The following SFMBT2 variants were observed in gnomAD, a reference collection of about 807,000 sequenced individuals.
SFMBT2 encodes the protein scm-like with four MBT domains protein 2.
A neutral mutation model predicts 110.1 loss-of-function variants in SFMBT2; 38 were observed. That is an observed-to-expected ratio of 0.35 (90% CI 0.27 to 0.45). The LOEUF is 0.45. Among genes scored for constraint, SFMBT2 ranks in the 20% least tolerant of loss-of-function variants. The pLI, the probability that SFMBT2 is intolerant of heterozygous loss-of-function variation, is 1.00. For missense variants in SFMBT2, 1,011 were observed against 1,094.9 expected, an observed-to-expected ratio of 0.92 and a Z score of 1.08; for synonymous variants, 425 against 425.4, an observed-to-expected ratio of 1.00 and a Z score of 0.01.
chr10:7,200,345 C>T (rs1838912687), intron 14 of SFMBT2, 69 bp downstream of exon 14: 7 of 1,241,770 alleles, frequency 5.6e-6, no homozygotes, highest in Non-Finnish European at 7.6e-6. Flanking sequence ...GACCTAGAAA[C>T]CTATACATGT....
chr10:7,162,004 T>C lies in SFMBT2; in HGVS notation c.*1766A>G, dbSNP rs917678229. 2 of 152,194 alleles carry C rather than the reference T, an allele frequency of 1.3e-5. No homozygotes were observed. Among genetic ancestry groups the C allele is most frequent in the Non-Finnish European group, 2.9e-5 (2 of 68,088 alleles). 9.4% of individuals were successfully genotyped at this position (152,194 alleles called of 1,614,324 possible). ...GAACTGTGGGAGGGTTTGGTTTCCTTGCATAAGTTTAAGAAGGCATCTTGG... is the reference window on the plus strand; with the variant it reads ...GAACTGTGGGAGGGTTTGGTTTCCTCGCATAAGTTTAAGAAGGCATCTTGG... On this transcript the variant is annotated 3_prime_UTR_variant, in exon 21 of 21. Coordinates refer to ENST00000397167, the MANE Select transcript of SFMBT2 (RefSeq NM_001387889.1).
At chr10:7,391,591 C>T (rs1311130681) in intron 1 of SFMBT2, among the ~76,000 whole-genome samples, 1 of 152,122 alleles carries the variant, frequency 6.6e-6, no homozygotes, top group Non-Finnish European at 1.5e-5. Flanking sequence ...ACTTTGCAAA[C>T]GATGTGTCCC....
At chr10:7,241,627 C>A (rs1840433009) in intron 9 of SFMBT2, among the ~76,000 whole-genome samples, 1 of 152,024 alleles carries the variant, frequency 6.6e-6, no homozygotes, top group African/African-American at 2.4e-5. Context: ...AATTTTATAT[C>A]TTTGTACAGT....
chr10:7,178,395 T>C (rs1256502750), intron 16 of SFMBT2, among the ~76,000 whole-genome samples: 1 of 152,252 alleles, frequency 6.6e-6, no homozygotes, highest in Non-Finnish European at 1.5e-5. Flanking sequence ...ACGCCTTTTA[T>C]AGTTATCCAC....
At chr10:7,184,518 T>C (rs1228616428) in intron 16 of SFMBT2, among the ~76,000 whole-genome samples, 1 of 152,194 alleles carries the variant, frequency 6.6e-6, no homozygotes, top group Non-Finnish European at 1.5e-5. Context: ...GTTGCAGGTA[T>C]GTCTTTATCA....
At chr10:7,375,890 G>A (rs1845193214) in intron 2 of SFMBT2, among the ~76,000 whole-genome samples, 1 of 152,050 alleles carries the variant, frequency 6.6e-6, no homozygotes, top group African/African-American at 2.4e-5. Context: ...CCAGTTCCCA[G>A]CGTGAAGAGT....
intron 20 of SFMBT2, among the ~76,000 whole-genome samples, chr10:7,169,298 T>C (rs1014824230): frequency 6.6e-6 from 1 of 152,184 alleles, no homozygotes; most frequent in African/African-American, 2.4e-5. Context: ...TTAGTGGGTG[T>C]CTGCAGAAGG....
At chr10:7,224,752 A>C (rs1289242297) in intron 10 of SFMBT2, among the ~76,000 whole-genome samples, 1 of 152,180 alleles carries the variant, frequency 6.6e-6, no homozygotes, top group Non-Finnish European at 1.5e-5. Context: ...AAATTTTCCC[A>C]AATTGCCAAC....
At chr10:7,354,786 A>G (rs951582899) in intron 4 of SFMBT2, among the ~76,000 whole-genome samples, 2 of 152,208 alleles carry the variant, frequency 1.3e-5, no homozygotes, top group African/African-American at 4.8e-5. Flanking sequence ...ACTGACAAAT[A>G]TATCTTCATA....
At chr10:7,343,811 C>G (rs890954236) in intron 4 of SFMBT2, among the ~76,000 whole-genome samples, 33 of 152,214 alleles carry the variant, frequency 2.2e-4, no homozygotes, top group African/African-American at 7.7e-4. Context: ...CCGTTAAGAC[C>G]ATGGGGACTT....
chr10:7,205,647 T>G (rs775374313), intron 12 of SFMBT2, 168 bp downstream of exon 12: 173 of 985,256 alleles, frequency 1.8e-4, no homozygotes, highest in Middle Eastern at 5.2e-4. Flanking sequence ...CATCATCTCA[T>G]GCAAACACTT....
intron 4 of SFMBT2, among the ~76,000 whole-genome samples, chr10:7,366,051 G>A (rs979194258): frequency 7.2e-5 from 11 of 152,300 alleles, no homozygotes; most frequent in African/African-American, 2.4e-4. Flanking sequence ...ACGTGGTGCA[G>A]ATAGGGTGTG....
chr10:7,388,058 A>C (rs1167841954), intron 1 of SFMBT2, among the ~76,000 whole-genome samples: 1 of 152,046 alleles, frequency 6.6e-6, no homozygotes, highest in African/African-American at 2.4e-5. Context: ...AGGGTGGGAG[A>C]CAGGAACGTG....
Position 7,301,156 on chromosome 10 carries a change from G to A in SFMBT2, c.437-15202C>T, listed in dbSNP as rs1021576153. On this transcript the variant is annotated intron_variant, in intron 4 of 20. Coordinates refer to ENST00000397167, the MANE Select transcript of SFMBT2 (RefSeq NM_001387889.1). This position sits in a 1 kb window ranked among gnomAD's most constrained non-coding sequence, Gnocchi z 4.2. ...GGCAGTTGAGAACCATGCCTGCAACGAACAGAAGTTCCTTCACTGAAAGTC... is the reference window on the plus strand; with the variant it reads ...GGCAGTTGAGAACCATGCCTGCAACAAACAGAAGTTCCTTCACTGAAAGTC... Among the ~76,000 whole-genome samples, 1 of 152,188 alleles carries A rather than the reference G, an allele frequency of 6.6e-6. No homozygotes were observed. The highest frequency in any genetic ancestry group is 1.5e-5 in the Non-Finnish European group (1 of 68,032).
At chr10:7,403,546 G>T (rs564888641) in intron 1 of SFMBT2, among the ~76,000 whole-genome samples, 1 of 152,162 alleles carries the variant, frequency 6.6e-6, no homozygotes, top group East Asian at 1.9e-4. Flanking sequence ...GGAGGCTGAG[G>T]GGGGAGAATT....
intron 11 of SFMBT2, among the ~76,000 whole-genome samples, chr10:7,213,076 G>A (rs562888336): frequency 6.6e-6 from 1 of 151,960 alleles, no homozygotes; most frequent in African/African-American, 2.4e-5. Context: ...ACTGGGGCCT[G>A]TCAAGGGGTG....
At chr10:7,374,867 C>T (rs1412952680) in intron 2 of SFMBT2, among the ~76,000 whole-genome samples, 1 of 152,226 alleles carries the variant, frequency 6.6e-6, no homozygotes, top group Non-Finnish European at 1.5e-5. Context: ...CTTCCCCAGG[C>T]CTATGTGCCC....
At chr10:7,198,189 C>G (rs1209544854) in intron 14 of SFMBT2, 6 of 978,868 alleles carry the variant, frequency 6.1e-6, no homozygotes, top group Non-Finnish European at 7.3e-6. Flanking sequence ...GTTTGCTTAA[C>G]AAGAAGTTTC....
intron 11 of SFMBT2, chr10:7,207,079 G>T: frequency 5.0e-6 from 1 of 199,100 alleles, no homozygotes; most frequent in Non-Finnish European, 9.0e-6. Flanking sequence ...TACAAAATTA[G>T]CCTGGCATGG....
Sources: gnomAD v4.1 joint callset for allele counts (sites outside exome capture counted in the v4.1 genomes callset) on GRCh38, gnomAD v4.1.1 for gene constraint, Gnocchi (gnomAD v3.1) non-coding constraint, MANE v1.5 for transcripts, NCBI Gene and HGNC (gene_info 2026-07-23, HGNC 2026-07-21) for gene names.